GFPT2: variants seen among roughly 807,000 people sequenced by gnomAD.
GFPT2 encodes glutamine--fructose-6-phosphate transaminase 2, also known as glutamine--fructose-6-phosphate aminotransferase [isomerizing] 2.
In GFPT2, 62 loss-of-function variants were observed where a neutral mutation model predicts 85.6. That is an observed-to-expected ratio of 0.72 (90% confidence interval 0.59 to 0.90). The LOEUF (loss-of-function observed/expected upper bound fraction) is 0.90, where lower values mean the gene tolerates loss of function less well. GFPT2 is among the 40% of genes least tolerant of loss of function. The pLI, the probability that GFPT2 is intolerant of heterozygous loss-of-function variation, is 0.00. For synonymous variants in GFPT2, 368 were observed against 344.5 expected (o/e 1.07, Z -0.75); for missense variants, 788 against 893.4 (o/e 0.88, Z 1.50).
At chr5:180,343,037 TAG>T (rs1318586087) in intron 1 of GFPT2, among the ~76,000 whole-genome samples, 1 of 152,158 alleles carries the variant, frequency 6.6e-6, no homozygotes, top group Non-Finnish European at 1.5e-5. Context: ...TAAAATCTGT[TAG>T]AGTCTTTTAC....
intron 16 of GFPT2, among the ~76,000 whole-genome samples, chr5:180,305,544 G>C (rs1763759634): frequency 6.6e-6 from 1 of 152,166 alleles, no homozygotes; most frequent in Non-Finnish European, 1.5e-5. Flanking sequence ...TGCTGATTTA[G>C]GTCAGGGCCA....
At chr5:180,331,624 C>A in intron 4 of GFPT2, 71 bp from the exon 5 acceptor site, 2 of 929,758 alleles carry the variant, frequency 2.2e-6, no homozygotes, top group South Asian at 2.7e-5. Context: ...GAGATGATTT[C>A]AAGGCTTGAG....
intron 1 of GFPT2, among the ~76,000 whole-genome samples, chr5:180,346,486 G>A (rs1042198543): frequency 1.3e-5 from 2 of 152,148 alleles, no homozygotes; most frequent in Admixed American, 1.3e-4. Flanking sequence ...CCAGGGCCTC[G>A]GTGACCACGG....
In GFPT2 at chr5:180,353,244, G is replaced by A. The variant is rs1764752710; in HGVS notation, c.-27C>T. 1 of 1,240,892 alleles carries A rather than the reference G, an allele frequency of 8.1e-7. No individual in the cohort carries two copies. Among genetic ancestry groups the A allele is most frequent in the Non-Finnish European group, 1.0e-6 (1 of 988,212 alleles). The allele number at this position is 1,240,892 out of a possible 1,614,324, so 76.9% of individuals were successfully genotyped here. A position where few individuals can be genotyped will look rare whatever the true frequency, so the allele number is the denominator to read the frequency against. ...GTGGCTGCTTCTCGGGCTCCTTCGC[G>A]GCTCGAGGGGGTCTGCCCGTTCGGA... On this transcript the variant is annotated 5_prime_UTR_variant, in exon 1 of 19. Transcript: ENST00000253778.
chr5:180,334,610 A>G (rs946402603), intron 4 of GFPT2, among the ~76,000 whole-genome samples: 1 of 152,218 alleles, frequency 6.6e-6, no homozygotes, highest in South Asian at 2.1e-4. Flanking sequence ...CTTGGCACGA[A>G]CTTACACTAT....
intron 4 of GFPT2, chr5:180,331,761 C>A: frequency 1.7e-6 from 1 of 585,658 alleles, no homozygotes; most frequent in Non-Finnish European, 3.1e-6. Context: ...TCTAGGGCAG[C>A]GGCTACTACA....
At chr5:180,345,256 A>T (rs2127657816) in intron 1 of GFPT2, among the ~76,000 whole-genome samples, 1 of 152,378 alleles carries the variant, frequency 6.6e-6, no homozygotes, top group Non-Finnish European at 1.5e-5. Context: ...GTTAAACCAA[A>T]TGCGTTACTT....
chr5:180,324,737 G>A, intron 8 of GFPT2, 79 bp downstream of exon 8: 6 of 918,240 alleles, frequency 6.5e-6, no homozygotes, highest in South Asian at 5.2e-5. Context: ...CCTCAGAGGG[G>A]AGCTGACTGT....
At chr5:180,329,083 G>A (rs565017735) in intron 6 of GFPT2, among the ~76,000 whole-genome samples, 2 of 152,278 alleles carry the variant, frequency 1.3e-5, no homozygotes, top group East Asian at 3.9e-4. Flanking sequence ...CTTCCCCCAC[G>A]TCCTGACCAT....
At chr5:180,321,891 C>G (rs1279416841) in intron 9 of GFPT2, among the ~76,000 whole-genome samples, 5 of 152,236 alleles carry the variant, frequency 3.3e-5, no homozygotes, top group African/African-American at 1.2e-4. Context: ...TCACGCCATT[C>G]TCCTGCCTCA....
rs1424144317 is a variant in GFPT2 at position 180,334,104 on chromosome 5, G to A, written c.340+1724C>T. On this transcript the variant is annotated intron_variant, in intron 4 of 18. Transcript: ENST00000253778. Reference sequence around the variant, plus strand: ...TCTGCTGTCCTCCTCCTGGACATAGGGTGTGTGCCTCAGTCACGAAATGCC... The same window carrying A: ...TCTGCTGTCCTCCTCCTGGACATAGAGTGTGTGCCTCAGTCACGAAATGCC... Among the ~76,000 whole-genome samples the A allele has an allele frequency of 5.3e-5, 8 of 152,298 alleles. No homozygotes were observed. The South Asian group carries it at 1.7e-3, about 32-fold the overall frequency.
At position 180,318,543 on chromosome 5, in the gene GFPT2, A is replaced by G. The variant is rs2127650585; in HGVS notation, c.958+250T>C. ...GAGTCGGTGAAGGAAGGCAGCTGACACACTGGGCTCAGTTCCAGTAGGAAA... is the reference window on the plus strand; with the variant it reads ...GAGTCGGTGAAGGAAGGCAGCTGACGCACTGGGCTCAGTTCCAGTAGGAAA... On this transcript the variant is annotated intron_variant, in intron 10 of 18. Coordinates refer to ENST00000253778, the MANE Select transcript of GFPT2 (RefSeq NM_005110.4). This position sits in a 1 kb window ranked among gnomAD's most constrained non-coding sequence, Gnocchi z 4.2. The G allele has an allele frequency of 4.1e-6, 2 of 492,982 alleles. No individual in the cohort carries two copies. The allele number at this position is 492,982 out of a possible 1,614,324, so 30.5% of individuals were successfully genotyped here. A position where few individuals can be genotyped will look rare whatever the true frequency, so the allele number is the denominator to read the frequency against.
intron 7 of GFPT2, among the ~76,000 whole-genome samples, chr5:180,325,667 C>G (rs1050071751): frequency 1.3e-5 from 2 of 152,234 alleles, no homozygotes; most frequent in African/African-American, 4.8e-5. Context: ...AGCAGGGGAT[C>G]TTTAGGAAAG....
chr5:180,346,550 C>T (rs1336711706), intron 1 of GFPT2, among the ~76,000 whole-genome samples: 1 of 152,244 alleles, frequency 6.6e-6, no homozygotes, highest in Non-Finnish European at 1.5e-5. Context: ...CGCGGGCCCA[C>T]CGCGTGACGT....
rs148653188 is a variant in GFPT2, at chr5:180,351,738, G to A, written c.7+1473C>T. Among the ~76,000 whole-genome samples, 399 of 152,284 alleles carry A rather than the reference G, an allele frequency of 2.6e-3. 1 individual carries two copies. The highest frequency in any genetic ancestry group is 9.0e-3 in the African/African-American group (372 of 41,556). On this transcript the variant is annotated intron_variant, in intron 1 of 18. Transcript: ENST00000253778. ...CTGGAGGAGGTAGAGCCCCCCCAAA[G>A]CTCAGAGAGACTTGGGAAAAAGCAA...
At chr5:180,346,599 C>G (rs562061564) in intron 1 of GFPT2, among the ~76,000 whole-genome samples, 1 of 152,350 alleles carries the variant, frequency 6.6e-6, no homozygotes, top group African/African-American at 2.4e-5. Context: ...CGCCTTGCTC[C>G]CCATGCCACC....
At chr5:180,324,979 C>G in intron 7 of GFPT2, 84 bp from the exon 8 acceptor site, 2 of 845,798 alleles carry the variant, frequency 2.4e-6, no homozygotes, top group Non-Finnish European at 4.1e-6. Context: ...GGTAGGATCC[C>G]CAAATCTAGC....
At chr5:180,345,364 C>A (rs1244559174) in intron 1 of GFPT2, among the ~76,000 whole-genome samples, 1 of 152,234 alleles carries the variant, frequency 6.6e-6, no homozygotes, top group Non-Finnish European at 1.5e-5. Context: ...TGGGATGGAC[C>A]CATCGGGGGG....
chr5:180,344,651 C>T (rs573737745), intron 1 of GFPT2, among the ~76,000 whole-genome samples: 1 of 152,308 alleles, frequency 6.6e-6, no homozygotes, highest in South Asian at 2.1e-4. Context: ...GGACCCCCAG[C>T]CAGGCCGGAC....
Sources: allele counts gnomAD v4.1 joint callset (sites outside exome capture counted in the v4.1 genomes callset), GRCh38; gene constraint gnomAD v4.1.1; non-coding constraint Gnocchi (gnomAD v3.1); transcripts MANE v1.5; gene names NCBI Gene and HGNC (gene_info 2026-07-23, HGNC 2026-07-21).